Variants in LAMA2 observed in about 807,000 individuals in gnomAD.
The protein encoded by LAMA2 is laminin subunit alpha 2, also known as laminin subunit alpha-2.
Under a neutral mutation model 364.8 loss-of-function variants are expected in LAMA2, and 269 were observed. The observed-to-expected ratio is 0.74, with a 90% CI of 0.67 to 0.82. The LOEUF (loss-of-function observed/expected upper bound fraction) is 0.82. Among genes scored for constraint, LAMA2 ranks in the 40% least tolerant of loss-of-function variants. The pLI is 0.00. For missense variants in LAMA2, 3,807 were observed against 3,873.2 expected (o/e 0.98, Z 0.45); for synonymous variants, 1,379 against 1,370.6 (o/e 1.01, Z -0.14).
chr6:129,259,170 A>C (rs942993182), intron 14 of LAMA2, among the ~76,000 whole-genome samples: 2 of 152,122 alleles, frequency 1.3e-5, no homozygotes, highest in Non-Finnish European at 2.9e-5. Flanking sequence ...AAAAGCAATG[A>C]AAATTTTAGA....
intron 51 of LAMA2, among the ~76,000 whole-genome samples, chr6:129,469,751 T>C (rs1783718245): frequency 6.6e-6 from 1 of 151,832 alleles, no homozygotes; most frequent in Admixed American, 6.6e-5. Flanking sequence ...TACAATGGAA[T>C]ACTAGCAATA....
At chr6:129,206,795 G>T (rs1782708327) in intron 12 of LAMA2, among the ~76,000 whole-genome samples, 1 of 152,208 alleles carries the variant, frequency 6.6e-6, no homozygotes, top group Non-Finnish European at 1.5e-5. Flanking sequence ...TGAAAAAGGG[G>T]CTATGTGATA....
chr6:129,241,139 T>C (rs1583320750), intron 12 of LAMA2, among the ~76,000 whole-genome samples: 1 of 152,280 alleles, frequency 6.6e-6, no homozygotes, highest in Non-Finnish European at 1.5e-5. Flanking sequence ...TAGTACAAAT[T>C]TATCCCAGTT....
intron 27 of LAMA2, among the ~76,000 whole-genome samples, chr6:129,318,967 T>G (rs1231567224): frequency 6.6e-6 from 1 of 152,226 alleles, no homozygotes; most frequent in Non-Finnish European, 1.5e-5. Context: ...GTTTATGGAC[T>G]ACATTTATTT....
chr6:129,210,003 CAAAAAAAA>C (rs374127279), intron 12 of LAMA2, among the ~76,000 whole-genome samples: 1 of 67,644 alleles, frequency 1.5e-5, no homozygotes, highest in Non-Finnish European at 3.0e-5. Flanking sequence ...GACTCCATCT[CAAAAAAAA>C]AAAAAAAAAA....
chr6:128,971,222 G>C (rs1782167937), intron 1 of LAMA2, among the ~76,000 whole-genome samples: 1 of 152,166 alleles, frequency 6.6e-6, no homozygotes, highest in Non-Finnish European at 1.5e-5. Flanking sequence ...AATTTAACAT[G>C]ATAATTATAT....
intron 3 of LAMA2, among the ~76,000 whole-genome samples, chr6:129,085,362 A>G (rs997876965): frequency 6.6e-6 from 1 of 152,182 alleles, no homozygotes; most frequent in East Asian, 1.9e-4. Context: ...CCTTTTGGGG[A>G]CAACTATAAC....
intron 3 of LAMA2, among the ~76,000 whole-genome samples, chr6:129,088,791 G>A (rs944360649): frequency 5.3e-5 from 8 of 152,208 alleles, no homozygotes; most frequent in Non-Finnish European, 2.9e-5. Flanking sequence ...CTTCCTAGAC[G>A]GGATGGCGGT....
intron 53 of LAMA2, among the ~76,000 whole-genome samples, chr6:129,478,197 A>G (rs1403279102): frequency 6.6e-6 from 1 of 152,148 alleles, no homozygotes; most frequent in East Asian, 1.9e-4. Flanking sequence ...ATGTAATATT[A>G]TCTTATTTTT....
chr6:129,289,592 G>A (rs1789539742), intron 19 of LAMA2, among the ~76,000 whole-genome samples: 3 of 151,778 alleles, frequency 2.0e-5, no homozygotes, highest in Admixed American at 6.6e-5. Context: ...TAAAGTTAGG[G>A]ATATTATTCC....
At chr6:129,281,433 T>C (rs760997043) in intron 18 of LAMA2, among the ~76,000 whole-genome samples, 1 of 152,204 alleles carries the variant, frequency 6.6e-6, no homozygotes, top group Non-Finnish European at 1.5e-5. Context: ...GTACTTATAT[T>C]GCTTTGCTTT....
At chr6:129,263,043 C>A (rs1207280338) in intron 15 of LAMA2, among the ~76,000 whole-genome samples, 1 of 152,124 alleles carries the variant, frequency 6.6e-6, no homozygotes, top group Non-Finnish European at 1.5e-5. Context: ...TTTCACTTGA[C>A]AGATGAGACA....
chr6:129,285,707 A>T (rs1467369890), intron 18 of LAMA2, among the ~76,000 whole-genome samples: 1 of 152,090 alleles, frequency 6.6e-6, no homozygotes, highest in Non-Finnish European at 1.5e-5. Context: ...ATTAAATAAG[A>T]CAAGAAGAAT....
At position 129,260,826 on chromosome 6, in the gene LAMA2, A is replaced by G. The variant is rs761003575; in HGVS notation, c.2208+4A>G. On this transcript the variant is annotated splice_donor_region_variant and intron_variant, in intron 15 of 64. Coordinates refer to ENST00000421865, the MANE Select transcript of LAMA2 (RefSeq NM_000426.4). ...GTATACTGGCTCCTCTTGTGAAGTA[A>G]GCTTGCAAGAATGTATCCTTAGTGC... 1 of 1,543,058 alleles carries G rather than the reference A, an allele frequency of 6.5e-7. No homozygotes were observed. The highest frequency in any genetic ancestry group is 9.0e-7 in the Non-Finnish European group (1 of 1,115,592).
intron 45 of LAMA2, among the ~76,000 whole-genome samples, chr6:129,447,996 GA>G (rs1782476091): frequency 6.6e-6 from 1 of 152,136 alleles, no homozygotes; most frequent in Non-Finnish European, 1.5e-5. Flanking sequence ...CAAAATAAAA[GA>G]AAAGTATAGG....
intron 28 of LAMA2, among the ~76,000 whole-genome samples, chr6:129,327,555 G>T (rs150403085): frequency 6.6e-6 from 1 of 152,254 alleles, no homozygotes; most frequent in Non-Finnish European, 1.5e-5. Context: ...AACACAAGAC[G>T]GTTTTCATCT....
In LAMA2 at chr6:129,497,359, T is replaced by C. The variant is rs146117640; in HGVS notation, c.8244+4876T>C. On this transcript the variant is annotated intron_variant, in intron 58 of 64. Coordinates refer to ENST00000421865, the MANE Select transcript of LAMA2 (RefSeq NM_000426.4). Reference sequence around the variant, plus strand: ...CTCAGGCGATCCTCATGCCTCAGCCTCCTGAGTAGCTGGGACTGCAGGTGC... The same window carrying C: ...CTCAGGCGATCCTCATGCCTCAGCCCCCTGAGTAGCTGGGACTGCAGGTGC... 5.0e-3 allele frequency among the ~76,000 whole-genome samples: 766 copies of C among 152,220 alleles called. 9 individuals carry two copies. The highest frequency in any genetic ancestry group is 0.017 in the African/African-American group (723 of 41,528).
chr6:129,226,954 C>T (rs1784338175), intron 12 of LAMA2, among the ~76,000 whole-genome samples: 1 of 152,208 alleles, frequency 6.6e-6, no homozygotes, highest in South Asian at 2.1e-4. Context: ...TTCTCCCCGC[C>T]ACTTTCATGT....
rs929359190 is a variant in LAMA2 at position 129,060,140 on chromosome 6, ACT to A, written c.396+247_396+248del. Among the ~76,000 whole-genome samples the A allele has an allele frequency of 5.3e-5, 8 of 152,346 alleles. No individual in the cohort carries two copies. The South Asian group carries it at 1.2e-3, about 24-fold the overall frequency. ...GAGCTTAGAAATGAATTAGGTGCTA[ACT>A]CTGTTTTAGCTAGCTGGACTTAATG... On this transcript the variant is annotated intron_variant, in intron 3 of 64. Transcript: ENST00000421865.
Sources: gnomAD v4.1 joint callset for allele counts (sites outside exome capture counted in the v4.1 genomes callset) on GRCh38, gnomAD v4.1.1 for gene constraint, MANE v1.5 for transcripts, NCBI Gene and HGNC (gene_info 2026-07-23, HGNC 2026-07-21) for gene names.